FBH1: variants seen among roughly 807,000 people sequenced by gnomAD.
FBH1 encodes the protein F-box DNA helicase 1.
Under a neutral mutation model 115.5 loss-of-function variants are expected in FBH1, and 43 were observed. That is an observed-to-expected ratio of 0.37 (90% confidence interval 0.29 to 0.48). The LOEUF (loss-of-function observed/expected upper bound fraction) is 0.48, where lower values mean the gene tolerates loss of function less well. Ranked by LOEUF, FBH1 falls within the 20% of genes least tolerant of loss-of-function variation. The pLI, the probability that FBH1 is intolerant of heterozygous loss-of-function variation, is 0.99. For synonymous variants in FBH1, 524 were observed against 507.8 expected, an observed-to-expected ratio of 1.03 and a Z score of -0.43; for missense variants, 1,001 against 1,337.3, an observed-to-expected ratio of 0.75 and a Z score of 3.92.
At position 5,895,122 on chromosome 10, in the gene FBH1, G is replaced by T. The variant is rs1182471323; in HGVS notation, c.1+4776G>T. 14 of 1,613,870 alleles carry T rather than the reference G, an allele frequency of 8.7e-6. No individual in the cohort carries two copies. Among genetic ancestry groups the T allele is most frequent in the Admixed American group, 1.7e-5 (1 of 59,968 alleles). On this transcript the variant is annotated intron_variant, in intron 1 of 20. Transcript: ENST00000362091. The surrounding 1 kb of genome is among the most constrained non-coding windows in gnomAD (Gnocchi z 5.0). ...GGGCTACATTGCGCAGGGCCCCTGGGCCATCTCCACAGGAGATGCCAGAGG... is the reference window on the plus strand; with the variant it reads ...GGGCTACATTGCGCAGGGCCCCTGGTCCATCTCCACAGGAGATGCCAGAGG...
intron 2 of FBH1, among the ~76,000 whole-genome samples, chr10:5,904,195 C>G (rs984548632): frequency 1.4e-4 from 22 of 151,982 alleles, no homozygotes; most frequent in Non-Finnish European, 2.4e-4. Flanking sequence ...CCATGCCTAG[C>G]TAATTTTTGT....
rs1415004126 is a variant in FBH1 at position 5,901,275 on chromosome 10, C to T, written c.2-1745C>T. On this transcript the variant is annotated intron_variant, in intron 1 of 20. Transcript: ENST00000362091. ...GCAACCTCTGCCTCCCACGTTCAAG[C>T]GATACTCCTGCCTCAGCCTCCGGGG... is the stretch of plus-strand genomic sequence containing the variant. Among the ~76,000 whole-genome samples, 9 of 151,856 alleles carry T rather than the reference C, an allele frequency of 5.9e-5. No homozygotes were observed. The East Asian group carries it at 7.8e-4, about 13-fold the overall frequency.
At chr10:5,893,618 C>G (rs1413875603) in intron 1 of FBH1, among the ~76,000 whole-genome samples, 4 of 152,236 alleles carry the variant, frequency 2.6e-5, no homozygotes, top group African/African-American at 9.6e-5. Flanking sequence ...CTTCGTGAAG[C>G]CTTTTTCAAC....
rs371425520 is a variant in FBH1 at position 5,914,160 on chromosome 10, C to T, written c.1305-18C>T. 9.7e-4 allele frequency: 1,561 copies of T among 1,611,002 alleles called. 1 individual carries two copies. The highest frequency in any genetic ancestry group is 1.3e-3 in the Non-Finnish European group (1,503 of 1,177,348). ...ACGTCTTTCTGTTTTTCTTACTTCTCTTTTGTAATGATTATAGCAAGAAAA... is the reference window on the plus strand; with the variant it reads ...ACGTCTTTCTGTTTTTCTTACTTCTTTTTTGTAATGATTATAGCAAGAAAA... On this transcript the variant is annotated intron_variant, in intron 7 of 20. Transcript: ENST00000362091. This position sits in a 1 kb window ranked among gnomAD's most constrained non-coding sequence, Gnocchi z 5.2.
Position 5,924,602 on chromosome 10 carries a change from C to G in FBH1, c.2596+94C>G, listed in dbSNP as rs543322028. 7.7e-7 allele frequency: 1 copy of G among 1,300,140 alleles called. No individual in the cohort carries two copies. The highest frequency in any genetic ancestry group is 2.5e-5 in the East Asian group (1 of 40,400). 80.5% of individuals were successfully genotyped at this position (1,300,140 alleles called of 1,614,324 possible). The stretch of plus-strand genomic sequence containing the variant: ...TTTTTTTTTGAGACAGAGTATTGCT[C>G]TGTTGCCCAGGCTGGAGTGCAGTGG... On this transcript the variant is annotated intron_variant, in intron 17 of 20. Coordinates refer to ENST00000362091, the MANE Select transcript of FBH1 (RefSeq NM_178150.3). The surrounding 1 kb of genome is among the most constrained non-coding windows in gnomAD (Gnocchi z 6.2).
rs141247640 is a variant in FBH1, at chr10:5,936,554, C to T, written c.2928C>T (p.Thr976=). The T allele has an allele frequency of 9.3e-6, 15 of 1,614,136 alleles. No individual in the cohort carries two copies. The highest frequency in any genetic ancestry group is 3.3e-5 in the Admixed American group (2 of 60,018). Residue 976 remains threonine (T), a synonymous_variant, in exon 20 of 21, where the codon ACC becomes ACT. Transcript: ENST00000362091. The surrounding 1 kb of genome is among the most constrained non-coding windows in gnomAD (Gnocchi z 5.6). ...GCAACAATGCCATCCCTGTTGACAC[C>T]GTCCTTACCATGAAGAAGCTGCCCA... ...GQCNNAIPVD[T]VLTMKKLPIT...
At position 5,935,555 on chromosome 10, in the gene FBH1, G is replaced by T. The variant is rs1166933292; in HGVS notation, c.2830-901G>T. The T allele has an allele frequency of 1.3e-5, 2 of 152,208 alleles. No homozygotes were observed. Among genetic ancestry groups the T allele is most frequent in the Non-Finnish European group, 2.9e-5 (2 of 68,032 alleles). 9.4% of individuals were successfully genotyped at this position (152,208 alleles called of 1,614,324 possible). On this transcript the variant is annotated intron_variant, in intron 19 of 20. Transcript: ENST00000362091. The surrounding 1 kb of genome is among the most constrained non-coding windows in gnomAD (Gnocchi z 5.2). ...CAGCAAAATCTGTGACTTCAGACAG[G>T]ATTTCACCTCGTCAGCTGTTAGTAC... is the stretch of plus-strand genomic sequence containing the variant.
intron 6 of FBH1, among the ~76,000 whole-genome samples, chr10:5,912,035 G>GGGCAGTT (rs551670446): frequency 8.4e-4 from 128 of 152,172 alleles, no homozygotes; most frequent in African/African-American, 3.0e-3. Context: ...GGATGGACAG[G>GGGCAGTT]GACAGTTGAG....
In FBH1 at chr10:5,923,293, A is replaced by G. The variant is rs1344066680; in HGVS notation, c.2323-328A>G. Among the ~76,000 whole-genome samples the G allele has an allele frequency of 6.6e-6, 1 of 152,148 alleles. No homozygotes were observed. The highest frequency in any genetic ancestry group is 1.9e-4 in the East Asian group (1 of 5,192). On this transcript the variant is annotated intron_variant, in intron 15 of 20. Coordinates refer to ENST00000362091, the MANE Select transcript of FBH1 (RefSeq NM_178150.3). This position sits in a 1 kb window ranked among gnomAD's most constrained non-coding sequence, Gnocchi z 5.7. ...TCTTATGTTCTTGGAAGATGCTTAA[A>G]TTGCCTTTTTATTGATGGGAAAGCA... is the stretch of plus-strand genomic sequence containing the variant.
intron 1 of FBH1, 58 bp downstream of exon 1, chr10:5,890,404 C>G (rs571053574): frequency 7.1e-4 from 261 of 365,858 alleles, no homozygotes; most frequent in Non-Finnish European, 6.1e-4. Flanking sequence ...GTGTGGAAAA[C>G]TTAACCTCCG....
In FBH1 at chr10:5,937,291, C is replaced by T; in HGVS notation, c.*11C>T. The T allele has an allele frequency of 1.3e-6, 2 of 1,587,130 alleles. No individual in the cohort carries two copies. Among genetic ancestry groups the T allele is most frequent in the South Asian group, 2.3e-5 (2 of 87,116 alleles). On this transcript the variant is annotated 3_prime_UTR_variant, in exon 21 of 21. Transcript: ENST00000362091. The stretch of plus-strand genomic sequence containing the variant: ...TTCCTCGTCTTCTGAGGACAAGGCG[C>T]ACGTTCTCCGCAGTGCAGAGCAGCT...
chr10:5,891,131 T>G lies in FBH1; in HGVS notation c.1+785T>G, dbSNP rs865858173. The G allele has an allele frequency of 1.4e-5, 14 of 985,626 alleles. No homozygotes were observed. The Admixed American group carries it at 1.8e-4, about 13-fold the overall frequency. The allele number at this position is 985,626 out of a possible 1,614,324, so 61.1% of individuals were successfully genotyped here. A position where few individuals can be genotyped will look rare whatever the true frequency, so the allele number is the denominator to read the frequency against. ...CAGAATTACAGGTAATAAAGTCTTCTGGAAGGCAGGATGGTAGCATGTGTT... is the reference window on the plus strand; with the variant it reads ...CAGAATTACAGGTAATAAAGTCTTCGGGAAGGCAGGATGGTAGCATGTGTT... On this transcript the variant is annotated intron_variant, in intron 1 of 20. Transcript: ENST00000362091.
Position 5,918,012 on chromosome 10 carries a change from A to G in FBH1, c.1964-330A>G, listed in dbSNP as rs992296208. On this transcript the variant is annotated intron_variant, in intron 12 of 20. Coordinates refer to ENST00000362091, the MANE Select transcript of FBH1 (RefSeq NM_178150.3). This position sits in a 1 kb window ranked among gnomAD's most constrained non-coding sequence, Gnocchi z 4.0. ...CTCAAGTGGCTAGGAGAGAACAGAC[A>G]GTGTTATCCGTCTGACTTTGTAGGT... Among the ~76,000 whole-genome samples, 1 of 152,246 alleles carries G rather than the reference A, an allele frequency of 6.6e-6. No homozygotes were observed. Among genetic ancestry groups the G allele is most frequent in the Non-Finnish European group, 1.5e-5 (1 of 68,046 alleles).
At chr10:5,908,568 T>G (rs539200571) in intron 3 of FBH1, among the ~76,000 whole-genome samples, 46 of 152,134 alleles carry the variant, frequency 3.0e-4, no homozygotes, top group Non-Finnish European at 4.3e-4. Context: ...GGTAAAAGGT[T>G]ATCTATGTGT....
At chr10:5,926,545 CTG>C (rs1435500505) in intron 18 of FBH1, among the ~76,000 whole-genome samples, 1 of 152,212 alleles carries the variant, frequency 6.6e-6, no homozygotes, top group African/African-American at 2.4e-5. Flanking sequence ...ACAAACAAAG[CTG>C]TCTGTTAACT....
At position 5,935,100 on chromosome 10, in the gene FBH1, A is replaced by T. The variant is rs1427223188; in HGVS notation, c.2830-1356A>T. On this transcript the variant is annotated intron_variant, in intron 19 of 20. Transcript: ENST00000362091. This position sits in a 1 kb window ranked among gnomAD's most constrained non-coding sequence, Gnocchi z 5.2. ...GTTAGGTTAAGTCATGTTTTGTGAAACTTTTCTTCCATGTGTGTTTCTTAC... is the reference window on the plus strand; with the variant it reads ...GTTAGGTTAAGTCATGTTTTGTGAATCTTTTCTTCCATGTGTGTTTCTTAC... 2 of 152,228 alleles carry T rather than the reference A, an allele frequency of 1.3e-5. No homozygotes were observed. The highest frequency in any genetic ancestry group is 1.3e-4 in the Admixed American group (2 of 15,284). The allele number at this position is 152,228 out of a possible 1,614,324, so 9.4% of individuals were successfully genotyped here. A position where few individuals can be genotyped will look rare whatever the true frequency, so the allele number is the denominator to read the frequency against.
rs972875812 is a variant in FBH1 at position 5,921,894 on chromosome 10, G to A, written c.2322+325G>A. On this transcript the variant is annotated intron_variant, in intron 15 of 20. Coordinates refer to ENST00000362091, the MANE Select transcript of FBH1 (RefSeq NM_178150.3). The surrounding 1 kb of genome is among the most constrained non-coding windows in gnomAD (Gnocchi z 6.4). ...TAGTCATGTGTTGTCATTAGTGTGAGAACAGCTGAGCTGACAACACGCAGA... is the reference window on the plus strand; with the variant it reads ...TAGTCATGTGTTGTCATTAGTGTGAAAACAGCTGAGCTGACAACACGCAGA... Among the ~76,000 whole-genome samples the A allele has an allele frequency of 6.6e-6, 1 of 152,196 alleles. No homozygotes were observed. Among genetic ancestry groups the A allele is most frequent in the Non-Finnish European group, 1.5e-5 (1 of 68,040 alleles).
intron 1 of FBH1, among the ~76,000 whole-genome samples, chr10:5,902,316 A>G (rs768417480): frequency 6.6e-6 from 1 of 152,204 alleles, no homozygotes; most frequent in Non-Finnish European, 1.5e-5. Context: ...GCTTTTTACT[A>G]CAATTAAAAA....
Position 5,917,965 on chromosome 10 carries a change from GA to G in FBH1, c.1963+293del, listed in dbSNP as rs1832075527. On this transcript the variant is annotated intron_variant, in intron 12 of 20. Coordinates refer to ENST00000362091, the MANE Select transcript of FBH1 (RefSeq NM_178150.3). This position sits in a 1 kb window ranked among gnomAD's most constrained non-coding sequence, Gnocchi z 5.6. ...TGGGAAGAGATCGTCCATTGACAGG[GA>G]AAAGCTTGTGTTGTCTACTTCTCAA... 6.6e-6 allele frequency among the ~76,000 whole-genome samples: 1 copy of G among 152,204 alleles called. No homozygotes were observed. The highest frequency in any genetic ancestry group is 2.4e-5 in the African/African-American group (1 of 41,452).
Sources: gnomAD v4.1 joint callset for allele counts (sites outside exome capture counted in the v4.1 genomes callset) on GRCh38, gnomAD v4.1.1 for gene constraint, Gnocchi (gnomAD v3.1) non-coding constraint, MANE v1.5 for transcripts, NCBI Gene and HGNC (gene_info 2026-07-23, HGNC 2026-07-21) for gene names.